The following MAP4K3 variants were observed in gnomAD, a reference collection of about 807,000 sequenced individuals.
MAP4K3 encodes mitogen-activated protein kinase kinase kinase kinase 3, also known as MAPK/ERK kinase kinase kinase 3.
A neutral mutation model predicts 143.5 loss-of-function variants in MAP4K3; 94 were observed. The ratio of observed to expected loss-of-function variants is 0.65; its 90% CI spans 0.55 to 0.78. The LOEUF is 0.78. Ranked by LOEUF, MAP4K3 falls within the 30% of genes least tolerant of loss-of-function variation. The probability of loss-of-function intolerance (pLI) is 0.00; values close to 1 mark genes in which losing one functional copy is unlikely to be tolerated. For synonymous variants in MAP4K3, 416 were observed against 347.2 expected, an observed-to-expected ratio of 1.20 and a Z score of -2.20; for missense variants, 1,077 against 1,068.1, an observed-to-expected ratio of 1.01 and a Z score of -0.12.
intron 1 of MAP4K3, 97 bp from the exon 2 acceptor site, chr2:39,378,220 T>A: frequency 1.6e-6 from 1 of 642,502 alleles, no homozygotes; most frequent in Non-Finnish European, 2.7e-6. Context: ...TATATAAAAA[T>A]ATTTTAAAAG....
At chr2:39,297,056 A>G (rs1369749517) in intron 16 of MAP4K3, among the ~76,000 whole-genome samples, 1 of 152,210 alleles carries the variant, frequency 6.6e-6, no homozygotes, top group African/African-American at 2.4e-5. Flanking sequence ...TTATTAGAAG[A>G]GAATTTACCT....
intron 27 of MAP4K3, among the ~76,000 whole-genome samples, chr2:39,266,354 C>G (rs1680763471): frequency 6.6e-6 from 1 of 152,246 alleles, no homozygotes; most frequent in Non-Finnish European, 1.5e-5. Flanking sequence ...TGCTCTAGCA[C>G]AAGACTTCCT....
chr2:39,251,174 TGCAGGCATTTATTCA>T (rs1263010373), intron 33 of MAP4K3, among the ~76,000 whole-genome samples: 1 of 152,194 alleles, frequency 6.6e-6, no homozygotes, highest in East Asian at 1.9e-4. Flanking sequence ...TAGCTGTCCC[TGCAGGCATTTATTCA>T]GCACAGATTT....
At position 39,285,409 on chromosome 2, in the gene MAP4K3, G is replaced by A. The variant is rs184440572; in HGVS notation, c.1587+1443C>T. On this transcript the variant is annotated intron_variant, in intron 21 of 33. Coordinates refer to ENST00000263881, the MANE Select transcript of MAP4K3 (RefSeq NM_003618.4). ...AAAAAAAAGTTTACATCTCTCAAAGGCTATTTATTTTATACTGTGTTACAG... is the reference window on the plus strand; with the variant it reads ...AAAAAAAAGTTTACATCTCTCAAAGACTATTTATTTTATACTGTGTTACAG... Among the ~76,000 whole-genome samples the A allele has an allele frequency of 2.0e-3, 311 of 152,142 alleles. 2 individuals carry two copies. The highest frequency in any genetic ancestry group is 7.1e-3 in the African/African-American group (296 of 41,522).
chr2:39,288,865 T>C (rs1179936738), intron 19 of MAP4K3, among the ~76,000 whole-genome samples: 1 of 151,984 alleles, frequency 6.6e-6, no homozygotes, highest in Non-Finnish European at 1.5e-5. Context: ...ATCCTGGCTA[T>C]CATGGTGAAA....
intron 1 of MAP4K3, among the ~76,000 whole-genome samples, chr2:39,435,357 C>G (rs531842915): frequency 6.6e-6 from 1 of 152,196 alleles, no homozygotes. Flanking sequence ...AACTAAGAGG[C>G]CTGCAAGATC....
intron 31 of MAP4K3, among the ~76,000 whole-genome samples, chr2:39,256,032 G>T (rs1248592352): frequency 6.6e-6 from 1 of 152,070 alleles, no homozygotes; most frequent in Non-Finnish European, 1.5e-5. Context: ...CCTAGATAAT[G>T]ATCTTAAAAA....
chr2:39,251,438 G>A (rs1474629984), intron 33 of MAP4K3, among the ~76,000 whole-genome samples: 1 of 152,156 alleles, frequency 6.6e-6, no homozygotes, highest in Non-Finnish European at 1.5e-5. Context: ...CTTCCAAGAA[G>A]GTTTGTGTCT....
intron 1 of MAP4K3, among the ~76,000 whole-genome samples, chr2:39,412,257 G>A (rs1667251505): frequency 6.6e-6 from 1 of 152,168 alleles, no homozygotes; most frequent in Admixed American, 6.5e-5. Flanking sequence ...ACAGGAGATC[G>A]CGCCACACCT....
intron 27 of MAP4K3, 64 bp from the exon 28 acceptor site, chr2:39,265,370 T>C (rs1573070061): frequency 1.0e-6 from 1 of 995,800 alleles, no homozygotes; most frequent in Non-Finnish European, 1.6e-6. Context: ...AATAATTGCA[T>C]GCTCAAAAAA....
At chr2:39,435,370 G>A (rs1558357290) in intron 1 of MAP4K3, among the ~76,000 whole-genome samples, 1 of 152,158 alleles carries the variant, frequency 6.6e-6, no homozygotes, top group Non-Finnish European at 1.5e-5. Flanking sequence ...GCAAGATCTA[G>A]GGCCACCCTC....
At chr2:39,368,378 T>C (rs1172532602) in intron 2 of MAP4K3, among the ~76,000 whole-genome samples, 1 of 152,094 alleles carries the variant, frequency 6.6e-6, no homozygotes, top group Non-Finnish European at 1.5e-5. Context: ...TTGTTTAAAA[T>C]AGTTTTAGCT....
intron 15 of MAP4K3, among the ~76,000 whole-genome samples, chr2:39,305,992 C>T (rs1573124271): frequency 6.6e-6 from 1 of 152,110 alleles, no homozygotes; most frequent in African/African-American, 2.4e-5. Context: ...CCATGCCTAG[C>T]TAATTTTTTG....
intron 32 of MAP4K3, among the ~76,000 whole-genome samples, chr2:39,252,351 T>C (rs1450546014): frequency 6.6e-6 from 1 of 152,236 alleles, no homozygotes; most frequent in Non-Finnish European, 1.5e-5. Flanking sequence ...GGGCAACGTA[T>C]GTAATCCGCT....
At position 39,307,955 on chromosome 2, in the gene MAP4K3, T is replaced by C. The variant is rs749331299; in HGVS notation, c.1107A>G (p.Ala369=). The change falls in exon 15 of 34, where the codon GCA becomes GCG. Residue 369 remains alanine, a synonymous_variant. Coordinates refer to ENST00000263881, the MANE Select transcript of MAP4K3 (RefSeq NM_003618.4). ...AGATGAGAAATACCAGATTAGATCT[T>C]GCAGTGTAGTATATTTCTTCTGAAC... ...LDSSEEIYYT[A]RSNLDLQLEY... is the part of the protein sequence containing the mutation. The C allele has an allele frequency of 1.3e-6, 2 of 1,581,484 alleles. No homozygotes were observed. Among genetic ancestry groups the C allele is most frequent in the African/African-American group, 2.7e-5 (2 of 73,224 alleles).
At chr2:39,327,034 C>A (rs543201239) in intron 8 of MAP4K3, among the ~76,000 whole-genome samples, 40 of 152,234 alleles carry the variant, frequency 2.6e-4, no homozygotes, top group Non-Finnish European at 4.7e-4. Context: ...ATACTAGTTA[C>A]TAAAAAGGTT....
intron 2 of MAP4K3, among the ~76,000 whole-genome samples, chr2:39,370,127 TAAAC>T (rs1372251134): frequency 6.6e-6 from 1 of 152,162 alleles, no homozygotes; most frequent in Non-Finnish European, 1.5e-5. Context: ...ACACTGCAGA[TAAAC>T]AAAACAAAAA....
At chr2:39,287,767 T>C (rs1307970531) in intron 20 of MAP4K3, among the ~76,000 whole-genome samples, 1 of 152,232 alleles carries the variant, frequency 6.6e-6, no homozygotes, top group African/African-American at 2.4e-5. Context: ...GACAAGGTAC[T>C]CTCTTCTAAA....
At chr2:39,409,582 C>A (rs1667184419) in intron 1 of MAP4K3, among the ~76,000 whole-genome samples, 1 of 152,120 alleles carries the variant, frequency 6.6e-6, no homozygotes, top group Non-Finnish European at 1.5e-5. Context: ...TCACTTAAAG[C>A]TAAACTAGAT....
Sources: allele counts gnomAD v4.1 joint callset (sites outside exome capture counted in the v4.1 genomes callset), GRCh38; gene constraint gnomAD v4.1.1; transcripts MANE v1.5; gene names NCBI Gene and HGNC (gene_info 2026-07-23, HGNC 2026-07-21).